The following TMTC1 variants were observed in gnomAD, a reference collection of about 807,000 sequenced individuals.
TMTC1 encodes protein O-mannosyl-transferase TMTC1.
Under a neutral mutation model 104.8 loss-of-function variants are expected in TMTC1, and 73 were observed. That is an observed-to-expected ratio of 0.70 (90% CI 0.58 to 0.85). TMTC1 has a LOEUF of 0.85. TMTC1 is among the 40% of genes least tolerant of loss of function. The pLI, the probability that TMTC1 is intolerant of heterozygous loss-of-function variation, is 0.00. For missense variants in TMTC1, 1,035 were observed against 1,096.1 expected, an observed-to-expected ratio of 0.94 and a Z score of 0.79; for synonymous variants, 434 against 428.7, an observed-to-expected ratio of 1.01 and a Z score of -0.15.
At chr12:29,743,298 C>T (rs1042232648) in intron 5 of TMTC1, among the ~76,000 whole-genome samples, 3 of 152,158 alleles carry the variant, frequency 2.0e-5, no homozygotes, top group Non-Finnish European at 2.9e-5. Context: ...CAACCTCATA[C>T]GTTTCGCAAG....
Position 29,783,326 on chromosome 12 carries a change from G to C in TMTC1, c.302+124C>G. 1 of 821,162 alleles carries C rather than the reference G, an allele frequency of 1.2e-6. No individual in the cohort carries two copies. The highest frequency in any genetic ancestry group is 1.6e-6 in the Non-Finnish European group (1 of 608,284). 50.9% of individuals were successfully genotyped at this position (821,162 alleles called of 1,614,324 possible). Reference sequence around the variant, plus strand: ...CCATGCACATCCTGGAGAGGAGGGAGGCGTGGAGGGAAAGGGCGGCAAAAA... The same window carrying C: ...CCATGCACATCCTGGAGAGGAGGGACGCGTGGAGGGAAAGGGCGGCAAAAA... On this transcript the variant is annotated intron_variant, in intron 1 of 17. Coordinates refer to ENST00000539277, the MANE Select transcript of TMTC1 (RefSeq NM_001193451.2). This position sits in a 1 kb window ranked among gnomAD's most constrained non-coding sequence, Gnocchi z 4.7.
chr12:29,633,208 G>C lies in TMTC1; in HGVS notation c.1067C>G (p.Ala356Gly), dbSNP rs1169665405. 2.5e-6 allele frequency: 4 copies of C among 1,613,924 alleles called. No individual in the cohort carries two copies. The highest frequency in any genetic ancestry group is 3.4e-6 in the Non-Finnish European group (4 of 1,179,978). ...CATCACAACCGCCAGAAAGATGGTG[G>C]CTAAGTTCCGCATGTCCCATATGGT... Reference protein sequence around the residue: ...VETIWDMRNLATIFLAVVMAL... With the variant: ...VETIWDMRNLGTIFLAVVMAL... The change falls in exon 6 of 18, where the codon GCC becomes GGC. Residue 356 changes from alanine to glycine, a missense_variant. Physicochemically the swap from Ala to Gly is moderately conservative, Grantham distance 60. Transcript: ENST00000539277.
At chr12:29,616,669 C>CAAAA (rs71045821) in intron 6 of TMTC1, among the ~76,000 whole-genome samples, 9 of 79,772 alleles carry the variant, frequency 1.1e-4, no homozygotes, top group Non-Finnish European at 1.9e-4. Context: ...AACTTGGTCT[C>CAAAA]AAAAAAAAAA....
intron 6 of TMTC1, among the ~76,000 whole-genome samples, chr12:29,624,272 G>A (rs1020390495): frequency 4.6e-5 from 7 of 152,088 alleles, no homozygotes; most frequent in Non-Finnish European, 8.8e-5. Flanking sequence ...GAGCCACTGC[G>A]CCCAGCAAGG....
chr12:29,660,335 C>T (rs1939958476), intron 5 of TMTC1, among the ~76,000 whole-genome samples: 1 of 152,158 alleles, frequency 6.6e-6, no homozygotes, highest in Admixed American at 6.5e-5. Flanking sequence ...CAGACGATAG[C>T]TGAATAAACT....
At chr12:29,724,555 A>G (rs1942329482) in intron 5 of TMTC1, among the ~76,000 whole-genome samples, 2 of 152,222 alleles carry the variant, frequency 1.3e-5, no homozygotes, top group Admixed American at 6.5e-5. Flanking sequence ...CTTACACAGC[A>G]TTACATAGAG....
intron 5 of TMTC1, among the ~76,000 whole-genome samples, chr12:29,696,574 T>C (rs1363113933): frequency 6.6e-6 from 1 of 152,174 alleles, no homozygotes; most frequent in South Asian, 2.1e-4. Context: ...ACAATACCAA[T>C]GTTATTGCTT....
chr12:29,556,539 C>T (rs908130094), intron 10 of TMTC1, among the ~76,000 whole-genome samples: 1 of 152,206 alleles, frequency 6.6e-6, no homozygotes, highest in African/African-American at 2.4e-5. Flanking sequence ...AAGCTTCTTG[C>T]CATAAATAAA....
chr12:29,656,914 G>C (rs1939785356), intron 5 of TMTC1, among the ~76,000 whole-genome samples: 1 of 152,174 alleles, frequency 6.6e-6, no homozygotes, highest in Non-Finnish European at 1.5e-5. Context: ...TGGCCCCTAA[G>C]ATGTTACAGC....
At position 29,518,139 on chromosome 12, in the gene TMTC1, C is replaced by T. The variant is rs574522449; in HGVS notation, c.2024+333G>A. On this transcript the variant is annotated intron_variant, in intron 13 of 17. Transcript: ENST00000539277. ...TCATTAATTATGATGAATTTGTTCTCATGTGTGCATAGTTTTTCATGTATC... is the reference window on the plus strand; with the variant it reads ...TCATTAATTATGATGAATTTGTTCTTATGTGTGCATAGTTTTTCATGTATC... 2.6e-5 allele frequency among the ~76,000 whole-genome samples: 4 copies of T among 152,314 alleles called. No homozygotes were observed. The East Asian group carries it at 7.7e-4, about 29-fold the overall frequency.
intron 1 of TMTC1, among the ~76,000 whole-genome samples, chr12:29,775,544 G>A (rs1943687959): frequency 6.6e-6 from 1 of 152,144 alleles, no homozygotes; most frequent in African/African-American, 2.4e-5. Context: ...GAAACCTACG[G>A]GACAAGGTCC....
At chr12:29,673,744 C>CTTTTTTTTTTTTTTTTTT (rs146463669) in intron 5 of TMTC1, among the ~76,000 whole-genome samples, 15 of 95,734 alleles carry the variant, frequency 1.6e-4, no homozygotes, top group Non-Finnish European at 2.1e-4. Context: ...AGAGGGACTT[C>CTTTTTTTTTTTTTTTTTT]TTTTTTTTTT....
chr12:29,719,055 G>C (rs1315970423), intron 5 of TMTC1, among the ~76,000 whole-genome samples: 1 of 151,984 alleles, frequency 6.6e-6, no homozygotes, highest in African/African-American at 2.4e-5. Flanking sequence ...TTTGCTTCGA[G>C]ACTGGAATGC....
chr12:29,566,943 C>T (rs546926304), intron 9 of TMTC1, among the ~76,000 whole-genome samples: 3 of 152,344 alleles, frequency 2.0e-5, no homozygotes, highest in Admixed American at 6.5e-5. Context: ...GTGTTGGCTG[C>T]TGGCAGCTCA....
At chr12:29,553,588 A>G (rs1297604044) in intron 10 of TMTC1, among the ~76,000 whole-genome samples, 1 of 152,122 alleles carries the variant, frequency 6.6e-6, no homozygotes, top group Non-Finnish European at 1.5e-5. Context: ...AAAAAAAGGC[A>G]CTCAGGAAAC....
At chr12:29,716,654 T>C (rs756573644) in intron 5 of TMTC1, among the ~76,000 whole-genome samples, 21 of 152,036 alleles carry the variant, frequency 1.4e-4, no homozygotes, top group Non-Finnish European at 3.1e-4. Flanking sequence ...TGTATAAAAT[T>C]AAAATAAAAT....
intron 5 of TMTC1, among the ~76,000 whole-genome samples, chr12:29,724,169 T>C (rs533701807): frequency 6.6e-6 from 1 of 152,342 alleles, no homozygotes; most frequent in South Asian, 2.1e-4. Context: ...ATCTCATTAG[T>C]AATTAGGGAA....
chr12:29,743,120 A>G (rs1426189341), intron 5 of TMTC1, among the ~76,000 whole-genome samples: 1 of 152,126 alleles, frequency 6.6e-6, no homozygotes, highest in Non-Finnish European at 1.5e-5. Flanking sequence ...CAATAATCTC[A>G]TGGGATAGGT....
Position 29,783,643 on chromosome 12 carries a change from TTGCCCCGGCCAGCAG to T in TMTC1, c.94_108del (p.Leu32_Ala36del). 3 of 1,431,640 alleles carry T rather than the reference TTGCCCCGGCCAGCAG, an allele frequency of 2.1e-6. No homozygotes were observed. The South Asian group carries it at 4.2e-5, about 20-fold the overall frequency. 88.7% of individuals were successfully genotyped at this position (1,431,640 alleles called of 1,614,324 possible). On this transcript the variant is annotated inframe_deletion, in exon 1 of 18. Coordinates refer to ENST00000539277, the MANE Select transcript of TMTC1 (RefSeq NM_001193451.2). This position sits in a 1 kb window ranked among gnomAD's most constrained non-coding sequence, Gnocchi z 4.7. ...AGGGAGCGGCCGTAGCACAGGCAGC[TTGCCCCGGCCAGCAG>T]CGCCGCGGCCCCGGCCGGCGCTAGC...
Sources: allele counts gnomAD v4.1 joint callset (sites outside exome capture counted in the v4.1 genomes callset), GRCh38; gene constraint gnomAD v4.1.1; non-coding constraint Gnocchi (gnomAD v3.1); transcripts MANE v1.5; gene names NCBI Gene and HGNC (gene_info 2026-07-23, HGNC 2026-07-21).